LRRC37A2: variants seen among roughly 807,000 people sequenced by gnomAD.
LRRC37A2 encodes leucine-rich repeat-containing protein 37A2.
LRRC37A2 carries 9 observed loss-of-function variants against 68.8 expected under a neutral mutation model. The observed-to-expected ratio is 0.13, with a 90% CI of 0.08 to 0.23. The LOEUF (loss-of-function observed/expected upper bound fraction) is 0.23, where lower values mean the gene tolerates loss of function less well. LRRC37A2 is among the 10% of genes least tolerant of loss of function. The pLI is 1.00. For missense variants in LRRC37A2, 168 were observed against 950.4 expected (o/e 0.18, Z 10.82); for synonymous variants, 63 against 367.6 (o/e 0.17, Z 9.48).
chr17:46,392,407 CTT>C, the LRRC37A2 span, among the ~76,000 whole-genome samples: 22 of 40,152 alleles, frequency 5.5e-4, 5 homozygotes, highest in East Asian at 0.18. Context: ...TTCTTTCTTT[CTT>C]TCTCTCTCTC....
chr17:46,820,959 G>A, the LRRC37A2 span: 1 of 152,094 alleles, frequency 6.6e-6, no homozygotes, highest in African/African-American at 2.4e-5. Flanking sequence ...GGTCATTACT[G>A]GGCCTCAAGA....
At chr17:46,937,267 C>T in the LRRC37A2 span, 1 of 152,122 alleles carries the variant, frequency 6.6e-6, no homozygotes. Context: ...TTGAGACCCT[C>T]TTGTAAATAT....
chr17:46,602,793 T>A, the LRRC37A2 span, among the ~76,000 whole-genome samples: 7 of 145,776 alleles, frequency 4.8e-5, 1 homozygote, highest in Non-Finnish European at 7.5e-5. Context: ...GATATAATTT[T>A]GTGAACCATA....
At chr17:46,938,167 T>C in the LRRC37A2 span, among the ~76,000 whole-genome samples, 1 of 152,170 alleles carries the variant, frequency 6.6e-6, no homozygotes, top group Non-Finnish European at 1.5e-5. Context: ...CTGGCCTGTT[T>C]GCAGTTTTTA....
chr17:46,739,752 G>A, the LRRC37A2 span, among the ~76,000 whole-genome samples: 1 of 150,822 alleles, frequency 6.6e-6, no homozygotes, highest in South Asian at 2.1e-4. Context: ...TTCCAGGAGT[G>A]CAGTGGCGCG....
At chr17:47,014,374 A>G in the LRRC37A2 span, among the ~76,000 whole-genome samples, 6 of 150,134 alleles carry the variant, frequency 4.0e-5, no homozygotes, top group Admixed American at 4.0e-4. Context: ...TGGATGACAG[A>G]GCAAGACTCC....
the LRRC37A2 span, among the ~76,000 whole-genome samples, chr17:47,002,192 T>C: frequency 6.6e-6 from 1 of 152,298 alleles, no homozygotes; most frequent in South Asian, 2.1e-4. Flanking sequence ...AATAGTTCAT[T>C]ACTTTTTAAA....
At chr17:46,839,226 T>C in the LRRC37A2 span, among the ~76,000 whole-genome samples, 1 of 152,216 alleles carries the variant, frequency 6.6e-6, no homozygotes, top group Non-Finnish European at 1.5e-5. Flanking sequence ...ATGATTGTTA[T>C]GTTTATGGAA....
At chr17:46,948,230 A>G in the LRRC37A2 span, among the ~76,000 whole-genome samples, 2 of 152,324 alleles carry the variant, frequency 1.3e-5, no homozygotes, top group East Asian at 3.8e-4. Flanking sequence ...AATAATGCCC[A>G]TCTCACAGGG....
the LRRC37A2 span, among the ~76,000 whole-genome samples, chr17:46,828,494 C>A: frequency 4.9e-4 from 74 of 152,220 alleles, no homozygotes; most frequent in African/African-American, 1.6e-3. Context: ...TGAGTCACCA[C>A]GCCCTGCCAG....
At chr17:46,717,108 G>T in the LRRC37A2 span, among the ~76,000 whole-genome samples, 1 of 152,144 alleles carries the variant, frequency 6.6e-6, no homozygotes, top group Non-Finnish European at 1.5e-5. Context: ...CTCAGTGGAT[G>T]AATGGATAAA....
the LRRC37A2 span, chr17:46,876,735 G>A: frequency 6.6e-7 from 1 of 1,523,850 alleles, no homozygotes; most frequent in Non-Finnish European, 8.8e-7. Context: ...TGCCCAGCAA[G>A]CCAGTCTGGC....
chr17:46,542,698 T>A (rs1456885905), intron 8 of LRRC37A2, among the ~76,000 whole-genome samples: 4 of 150,100 alleles, frequency 2.7e-5, no homozygotes, highest in Non-Finnish European at 5.9e-5. Flanking sequence ...CTGTCTAAAA[T>A]ATATATATAT....
the LRRC37A2 span, chr17:46,875,185 T>C: frequency 1.2e-6 from 2 of 1,614,060 alleles, no homozygotes; most frequent in Non-Finnish European, 1.7e-6. Context: ...GCTGGGCGCA[T>C]GGAGCGCTGC....
At chr17:46,874,597 A>T in the LRRC37A2 span, among the ~76,000 whole-genome samples, 1 of 152,232 alleles carries the variant, frequency 6.6e-6, no homozygotes. Context: ...AATTTTTTTG[A>T]GACAAGGTCT....
chr17:46,787,680 G>A, the LRRC37A2 span, among the ~76,000 whole-genome samples: 4 of 152,178 alleles, frequency 2.6e-5, no homozygotes, highest in African/African-American at 7.2e-5. Flanking sequence ...TCGGCCGGGC[G>A]CGGTGGCTCA....
At chr17:46,978,969 C>G in the LRRC37A2 span, 1 of 1,450,802 alleles carries the variant, frequency 6.9e-7, no homozygotes. Context: ...CGCCGTCCAC[C>G]TCCTCCAAGC....
the LRRC37A2 span, chr17:46,929,633 G>A: frequency 1.1e-6 from 1 of 917,792 alleles, no homozygotes; most frequent in Middle Eastern, 2.2e-4. Context: ...ATGACAGGGT[G>A]CTAATGGGCT....
chr17:46,741,545 T>C, the LRRC37A2 span, among the ~76,000 whole-genome samples: 8 of 152,150 alleles, frequency 5.3e-5, no homozygotes, highest in African/African-American at 1.9e-4. Flanking sequence ...CATGATTTAT[T>C]TGAAACATCC....
Sources: gnomAD v4.1 joint callset for allele counts (sites outside exome capture counted in the v4.1 genomes callset) on GRCh38, gnomAD v4.1.1 for gene constraint, MANE v1.5 for transcripts, NCBI Gene and HGNC (gene_info 2026-07-23, HGNC 2026-07-21) for gene names.